Variants in TRAPPC10 observed in about 807,000 individuals in gnomAD.
TRAPPC10 encodes TRAPP 130 kDa subunit.
Under a neutral mutation model 125.5 loss-of-function variants are expected in TRAPPC10, and 23 were observed. The observed-to-expected ratio is 0.18, with a 90% confidence interval of 0.13 to 0.26. The LOEUF is 0.26. Among genes scored for constraint, TRAPPC10 ranks in the 10% least tolerant of loss-of-function variants. The probability of loss-of-function intolerance (pLI) is 1.00; values close to 1 mark genes in which losing one functional copy is unlikely to be tolerated. For missense variants in TRAPPC10, 1,123 were observed against 1,308.4 expected (o/e 0.86, Z 2.19); for synonymous variants, 509 against 518.0 (o/e 0.98, Z 0.24).
At position 44,091,944 on chromosome 21, in the gene TRAPPC10, C is replaced by A. The variant is rs2038608836; in HGVS notation, c.2892C>A (p.Val964=). The A allele has an allele frequency of 1.2e-6, 2 of 1,613,770 alleles. No individual in the cohort carries two copies. Among genetic ancestry groups the A allele is most frequent in the South Asian group, 1.1e-5 (1 of 91,044 alleles). Residue 964 remains valine, a synonymous_variant, in exon 19 of 23, where the codon GTC becomes GTA. Coordinates refer to ENST00000291574, the MANE Select transcript of TRAPPC10 (RefSeq NM_003274.5). ...SGTRKYVQVC[V]QNLSELDFQL... Reference sequence around the variant, plus strand: ...TTAGGAAATATGTTCAAGTTTGTGTCCAGAATTTGTCAGAACTTGACTTTC... The same window carrying A: ...TTAGGAAATATGTTCAAGTTTGTGTACAGAATTTGTCAGAACTTGACTTTC...
intron 2 of TRAPPC10, among the ~76,000 whole-genome samples, chr21:44,036,033 A>T (rs2033956431): frequency 6.6e-6 from 1 of 152,158 alleles, no homozygotes; most frequent in African/African-American, 2.4e-5. Flanking sequence ...GAGCTCCAGG[A>T]TCCACCTGAG....
chr21:44,055,999 T>G, intron 5 of TRAPPC10, 106 bp downstream of exon 5: 1 of 1,043,352 alleles, frequency 9.6e-7, no homozygotes, highest in Middle Eastern at 2.3e-4. Context: ...CGTGGTAATC[T>G]CATTGGCAGA....
intron 4 of TRAPPC10, 105 bp from the exon 5 acceptor site, chr21:44,055,593 A>AAAT: frequency 3.7e-6 from 3 of 802,736 alleles, no homozygotes; most frequent in South Asian, 2.6e-5. Context: ...AAAAAAAAAA[A>AAAT]GGAGGAGGAA....
chr21:44,041,011 C>T (rs2034377359), intron 3 of TRAPPC10, among the ~76,000 whole-genome samples: 1 of 152,200 alleles, frequency 6.6e-6, no homozygotes, highest in East Asian at 1.9e-4. Context: ...TAGAGTCTAT[C>T]ACTTGAATTT....
chr21:44,014,598 T>TTG (rs1555921249), intron 1 of TRAPPC10, among the ~76,000 whole-genome samples: 8 of 150,844 alleles, frequency 5.3e-5, no homozygotes, highest in Admixed American at 4.0e-4. Context: ...TTTTTGTTTT[T>TTG]TTTTTTTTTC....
chr21:44,050,963 G>C (rs1044187144), intron 3 of TRAPPC10, among the ~76,000 whole-genome samples: 3 of 152,140 alleles, frequency 2.0e-5, no homozygotes, highest in Non-Finnish European at 4.4e-5. Context: ...GGAGTGCAGT[G>C]GTGCGATCTT....
chr21:44,031,472 C>T (rs1444659720), intron 1 of TRAPPC10, among the ~76,000 whole-genome samples: 2 of 152,198 alleles, frequency 1.3e-5, no homozygotes, highest in Admixed American at 6.5e-5. Context: ...ATTCCTAACT[C>T]GCGTCTGCCA....
Position 44,091,910 on chromosome 21 carries a change from T to G in TRAPPC10, c.2871-13T>G. 1.2e-6 allele frequency: 2 copies of G among 1,612,624 alleles called. No individual in the cohort carries two copies. The highest frequency in any genetic ancestry group is 1.7e-6 in the Non-Finnish European group (2 of 1,179,446). The stretch of plus-strand genomic sequence containing the variant: ...TACATATCAAAATAATACTTTTTGT[T>G]TTTCCACTTTAGGAAATATGTTCAA... On this transcript the variant is annotated splice_polypyrimidine_tract_variant and intron_variant, in intron 18 of 22. Transcript: ENST00000291574.
At chr21:44,077,898 A>G (rs1221703052) in intron 11 of TRAPPC10, 114 bp downstream of exon 11, 7 of 719,408 alleles carry the variant, frequency 9.7e-6, no homozygotes. Flanking sequence ...AAAAGTGTAG[A>G]TTCTCTTACC....
At chr21:44,014,117 G>A (rs948464559) in intron 1 of TRAPPC10, among the ~76,000 whole-genome samples, 1 of 152,140 alleles carries the variant, frequency 6.6e-6, no homozygotes, top group African/African-American at 2.4e-5. Flanking sequence ...CTACCTCCTA[G>A]CTTGCTTACA....
rs138999491 is a variant in TRAPPC10, at chr21:44,063,017, G to A, written c.791-521G>A. On this transcript the variant is annotated intron_variant, in intron 6 of 22. Transcript: ENST00000291574. The surrounding 1 kb of genome is among the most constrained non-coding windows in gnomAD (Gnocchi z 4.4). ...AAGCAGTAATTCTTTTTCCTTCTAT[G>A]TGCTGCTACCAAGTCCTCCCTGTCC... 5.4e-6 allele frequency: 7 copies of A among 1,304,174 alleles called. No individual in the cohort carries two copies. In the East Asian group the frequency reaches 3.3e-4, roughly 62 times the overall value. The allele number at this position is 1,304,174 out of a possible 1,614,324, so 80.8% of individuals were successfully genotyped here.
chr21:44,067,607 A>G (rs2036545448), intron 7 of TRAPPC10, among the ~76,000 whole-genome samples: 2 of 152,172 alleles, frequency 1.3e-5, no homozygotes, highest in South Asian at 2.1e-4. Flanking sequence ...ATGGGGGTGC[A>G]CATAAATGAA....
intron 7 of TRAPPC10, among the ~76,000 whole-genome samples, chr21:44,068,759 C>T (rs571919716): frequency 1.3e-5 from 2 of 152,060 alleles, no homozygotes; most frequent in African/African-American, 4.8e-5. Context: ...CACCACCATG[C>T]CCGGCTAATT....
intron 3 of TRAPPC10, among the ~76,000 whole-genome samples, chr21:44,047,373 G>GTT (rs1163074692): frequency 1.3e-5 from 2 of 151,978 alleles, no homozygotes; most frequent in Admixed American, 6.6e-5. Context: ...TAAAAATGGG[G>GTT]TTTCGCCATG....
At chr21:44,051,519 C>CTT (rs1447825684) in intron 3 of TRAPPC10, among the ~76,000 whole-genome samples, 1 of 152,128 alleles carries the variant, frequency 6.6e-6, no homozygotes, top group East Asian at 1.9e-4. Context: ...TTTCCTGGTT[C>CTT]TTTATGGAAG....
intron 3 of TRAPPC10, among the ~76,000 whole-genome samples, chr21:44,047,565 T>TGTGTGTGTGTGTGTGTGCGC (rs954810521): frequency 1.1e-3 from 167 of 147,184 alleles, no homozygotes; most frequent in African/African-American, 3.9e-3. Flanking sequence ...TGTGTGTGTG[T>TGTGTGTGTGTGTGTGTGCGC]GCGCGCACAC....
intron 1 of TRAPPC10, among the ~76,000 whole-genome samples, chr21:44,020,528 T>C (rs899484555): frequency 1.3e-5 from 2 of 151,888 alleles, no homozygotes; most frequent in African/African-American, 4.8e-5. Context: ...CCTAGCTACT[T>C]GGGAGACAGG....
At chr21:44,044,855 G>A (rs1022733441) in intron 3 of TRAPPC10, among the ~76,000 whole-genome samples, 3 of 151,776 alleles carry the variant, frequency 2.0e-5, no homozygotes, top group Non-Finnish European at 4.4e-5. Context: ...AGTAGAGATG[G>A]GGTTTCTGCC....
chr21:44,086,676 A>T, intron 15 of TRAPPC10, 126 bp from the exon 16 acceptor site: 1 of 1,030,808 alleles, frequency 9.7e-7, no homozygotes, highest in Non-Finnish European at 1.4e-6. Flanking sequence ...GAAGGAATTC[A>T]TGGAGATCCC....
Sources: gnomAD v4.1 joint callset for allele counts (sites outside exome capture counted in the v4.1 genomes callset) on GRCh38, gnomAD v4.1.1 for gene constraint, Gnocchi (gnomAD v3.1) non-coding constraint, MANE v1.5 for transcripts, NCBI Gene and HGNC (gene_info 2026-07-23, HGNC 2026-07-21) for gene names.